Variants in LRP1B observed in about 807,000 individuals in gnomAD.
LRP1B encodes the protein LDL receptor related protein 1B.
In LRP1B, 217 loss-of-function variants were observed where a neutral mutation model predicts 556.6. The observed-to-expected ratio is 0.39, with a 90% CI of 0.35 to 0.44. LRP1B has a LOEUF of 0.44. LRP1B is among the 20% of genes least tolerant of loss of function. The pLI is 1.00. For synonymous variants in LRP1B, 2,047 were observed against 1,865.8 expected, an observed-to-expected ratio of 1.10 and a Z score of -2.50; for missense variants, 5,053 against 5,620.8, an observed-to-expected ratio of 0.90 and a Z score of 3.23.
chr2:141,298,645 G>C (rs1438402006), intron 3 of LRP1B, among the ~76,000 whole-genome samples: 1 of 151,944 alleles, frequency 6.6e-6, no homozygotes, highest in Non-Finnish European at 1.5e-5. Flanking sequence ...TTAATCTGTA[G>C]CCTTTCTCTG....
chr2:141,807,862 A>G (rs1008648698), intron 2 of LRP1B, among the ~76,000 whole-genome samples: 1 of 152,058 alleles, frequency 6.6e-6, no homozygotes, highest in Non-Finnish European at 1.5e-5. Flanking sequence ...GTCGGTGCAT[A>G]CAGGCCTGGT....
At chr2:141,092,990 A>C (rs1700206781) in intron 7 of LRP1B, among the ~76,000 whole-genome samples, 1 of 152,090 alleles carries the variant, frequency 6.6e-6, no homozygotes, top group Non-Finnish European at 1.5e-5. Context: ...CTGTGACACA[A>C]AGAAGGAAAA....
At chr2:141,744,241 C>G (rs1178550429) in intron 2 of LRP1B, among the ~76,000 whole-genome samples, 1 of 151,950 alleles carries the variant, frequency 6.6e-6, no homozygotes, top group Non-Finnish European at 1.5e-5. Context: ...TTTCATTGAT[C>G]TACTTGTCAT....
intron 2 of LRP1B, among the ~76,000 whole-genome samples, chr2:141,696,665 T>A (rs1280265563): frequency 1.3e-5 from 2 of 151,974 alleles, no homozygotes; most frequent in African/African-American, 4.8e-5. Context: ...ATATAATACA[T>A]CAATTTTCCC....
chr2:141,005,490 A>T (rs995288592), intron 14 of LRP1B, 33 bp from the exon 15 acceptor site: 1 of 1,604,512 alleles, frequency 6.2e-7, no homozygotes, highest in Non-Finnish European at 8.5e-7. Flanking sequence ...GTGTCAGAGA[A>T]CTCTGATTCA....
chr2:140,312,720 TATTTC>T (rs767642575), intron 83 of LRP1B, among the ~76,000 whole-genome samples: 113 of 152,062 alleles, frequency 7.4e-4, no homozygotes, highest in Non-Finnish European at 1.4e-3. Context: ...AATATCAAAA[TATTTC>T]ATTTTTAGTA....
chr2:141,633,702 C>A (rs141654740), intron 2 of LRP1B, among the ~76,000 whole-genome samples: 124 of 152,112 alleles, frequency 8.2e-4, no homozygotes, highest in African/African-American at 2.8e-3. Flanking sequence ...TCACCAACAT[C>A]CATTTCCAGA....
intron 1 of LRP1B, among the ~76,000 whole-genome samples, chr2:141,952,012 C>A (rs1221519889): frequency 7.8e-6 from 1 of 128,966 alleles, no homozygotes; most frequent in African/African-American, 2.9e-5. Flanking sequence ...CCCCCCACCC[C>A]ACGACAGGCC....
At chr2:141,154,636 AT>A (rs201287219) in intron 7 of LRP1B, among the ~76,000 whole-genome samples, 42 of 150,942 alleles carry the variant, frequency 2.8e-4, no homozygotes, top group African/African-American at 8.7e-4. Flanking sequence ...TGTTTTCTAG[AT>A]TTTTTTTTCA....
chr2:141,848,960 T>C (rs1432949872), intron 1 of LRP1B, among the ~76,000 whole-genome samples: 1 of 151,584 alleles, frequency 6.6e-6, no homozygotes, highest in Non-Finnish European at 1.5e-5. Context: ...GAATGAAGAT[T>C]ATCATCAGAT....
At chr2:141,233,229 G>A (rs185657550) in intron 5 of LRP1B, among the ~76,000 whole-genome samples, 2 of 152,290 alleles carry the variant, frequency 1.3e-5, no homozygotes, top group East Asian at 3.9e-4. Flanking sequence ...AGAAGATACT[G>A]AAGCACAAAC....
At chr2:140,924,319 A>G (rs1186149231) in intron 20 of LRP1B, among the ~76,000 whole-genome samples, 1 of 152,058 alleles carries the variant, frequency 6.6e-6, no homozygotes, top group African/African-American at 2.4e-5. Flanking sequence ...AACAGGGTTG[A>G]TGTGAGAATT....
At chr2:141,944,299 C>T (rs1015749072) in intron 1 of LRP1B, among the ~76,000 whole-genome samples, 4 of 152,118 alleles carry the variant, frequency 2.6e-5, no homozygotes, top group South Asian at 2.1e-4. Context: ...GGAAACGCTC[C>T]GTGTTGGAAT....
At chr2:141,988,755 C>A (rs1461547042) in intron 1 of LRP1B, among the ~76,000 whole-genome samples, 1 of 151,962 alleles carries the variant, frequency 6.6e-6, no homozygotes, top group African/African-American at 2.4e-5. Flanking sequence ...TGATTATAAT[C>A]ATATAATTTT....
At chr2:140,805,711 G>A (rs1428903570) in intron 32 of LRP1B, among the ~76,000 whole-genome samples, 2 of 151,882 alleles carry the variant, frequency 1.3e-5, no homozygotes, top group African/African-American at 2.4e-5. Context: ...ACTAATGGAT[G>A]GATCAACACA....
In LRP1B at chr2:141,205,846, T is replaced by C. The variant is rs141706477; in HGVS notation, c.851-17263A>G. 9.2e-5 allele frequency among the ~76,000 whole-genome samples: 14 copies of C among 152,310 alleles called. No homozygotes were observed. The East Asian group carries it at 2.5e-3, about 27-fold the overall frequency. ...TAAAAGACAAACAAGAAAAAGATCA[T>C]TTATTTTAAAAACCTGCATTTGTAT... is the stretch of plus-strand genomic sequence containing the variant. On this transcript the variant is annotated intron_variant, in intron 6 of 90. Coordinates refer to ENST00000389484, the MANE Select transcript of LRP1B (RefSeq NM_018557.3).
At chr2:141,071,335 A>G (rs2105483296) in intron 7 of LRP1B, among the ~76,000 whole-genome samples, 1 of 151,706 alleles carries the variant, frequency 6.6e-6, no homozygotes, top group Admixed American at 6.6e-5. Flanking sequence ...TCAATAAATT[A>G]GGTATTGATG....
chr2:140,370,836 A>G lies in LRP1B; in HGVS notation c.10882T>C (p.Cys3628Arg). 1.9e-6 allele frequency: 3 copies of G among 1,612,404 alleles called. No homozygotes were observed. The highest frequency in any genetic ancestry group is 2.5e-6 in the Non-Finnish European group (3 of 1,178,910). Reference protein sequence around the residue: ...DCADGSDEMDCVTECKEDQFR... With the variant: ...DCADGSDEMDRVTECKEDQFR... ...TGATCTTCCTTACATTCAGTCACACAGTCCATCTGTTCAAATACAAATGGA... is the reference window on the plus strand; with the variant it reads ...TGATCTTCCTTACATTCAGTCACACGGTCCATCTGTTCAAATACAAATGGA... The change falls in exon 71 of 91, where the codon TGT becomes CGT. Residue 3628 changes from cysteine to arginine, a missense_variant. Physicochemically the swap from Cys to Arg is radical, Grantham distance 180. Transcript: ENST00000389484.
At chr2:141,383,916 G>T (rs1034895038) in intron 3 of LRP1B, among the ~76,000 whole-genome samples, 1 of 152,076 alleles carries the variant, frequency 6.6e-6, no homozygotes, top group Non-Finnish European at 1.5e-5. Flanking sequence ...GGATAAGTAA[G>T]TTCTAGACAT....
Sources: gnomAD v4.1 joint callset for allele counts (sites outside exome capture counted in the v4.1 genomes callset) on GRCh38, gnomAD v4.1.1 for gene constraint, MANE v1.5 for transcripts, NCBI Gene and HGNC (gene_info 2026-07-23, HGNC 2026-07-21) for gene names.